GPC6: variants seen among roughly 807,000 people sequenced by gnomAD.
GPC6 encodes glypican-6.
In GPC6, 14 loss-of-function variants were observed where a neutral mutation model predicts 55.2. The observed-to-expected ratio is 0.25, with a 90% CI of 0.17 to 0.40. The LOEUF (loss-of-function observed/expected upper bound fraction) is 0.40. Ranked by LOEUF, GPC6 falls within the 10% of genes least tolerant of loss-of-function variation. The pLI is 1.00. For missense variants in GPC6, 641 were observed against 708.5 expected (o/e 0.90, Z 1.08); for synonymous variants, 278 against 259.6 (o/e 1.07, Z -0.68).
intron 3 of GPC6, among the ~76,000 whole-genome samples, chr13:93,992,216 TTA>T (rs1881344336): frequency 6.6e-6 from 1 of 151,646 alleles, no homozygotes; most frequent in African/African-American, 2.4e-5. Context: ...GGTGTGTGTG[TTA>T]TATATGTTTG....
intron 4 of GPC6, among the ~76,000 whole-genome samples, chr13:94,182,532 G>A (rs1889033436): frequency 6.6e-6 from 1 of 152,120 alleles, no homozygotes; most frequent in Admixed American, 6.5e-5. Context: ...AGGGAAGTTG[G>A]GTGAACATTA....
intron 1 of GPC6, among the ~76,000 whole-genome samples, chr13:93,401,543 A>C (rs1876077976): frequency 6.6e-6 from 1 of 151,188 alleles, no homozygotes; most frequent in South Asian, 2.1e-4. Flanking sequence ...AAAAAGCGAT[A>C]TTGTTTCAGA....
chr13:93,276,232 G>A lies in GPC6; in HGVS notation c.160+48616G>A, dbSNP rs78359805. Among the ~76,000 whole-genome samples, 690 of 152,192 alleles carry A rather than the reference G, an allele frequency of 4.5e-3. 7 individuals are homozygous for A. The highest frequency in any genetic ancestry group is 0.016 in the African/African-American group (655 of 41,526). ...GGTAAAACCATTTACCCTTAGTCAA[G>A]CAAGGGTCAAGGAAAGGCATGGAGC... On this transcript the variant is annotated intron_variant, in intron 1 of 8. Transcript: ENST00000377047.
chr13:93,874,711 C>T (rs956338871), intron 3 of GPC6, among the ~76,000 whole-genome samples: 1 of 151,356 alleles, frequency 6.6e-6, no homozygotes, highest in Non-Finnish European at 1.5e-5. Flanking sequence ...TAAACTTGCT[C>T]CTGACACAAG....
At chr13:93,914,919 T>C (rs1176455982) in intron 3 of GPC6, among the ~76,000 whole-genome samples, 4 of 152,204 alleles carry the variant, frequency 2.6e-5, no homozygotes, top group Non-Finnish European at 5.9e-5. Flanking sequence ...AGACGCTTTT[T>C]CACCACAAAG....
At chr13:93,456,160 A>T (rs1039109400) in intron 1 of GPC6, among the ~76,000 whole-genome samples, 2 of 151,790 alleles carry the variant, frequency 1.3e-5, no homozygotes, top group Non-Finnish European at 2.9e-5. Flanking sequence ...TAAAAACTTT[A>T]TGAACCCTTA....
chr13:94,097,816 G>A (rs759323329), intron 4 of GPC6, among the ~76,000 whole-genome samples: 1 of 152,084 alleles, frequency 6.6e-6, no homozygotes, highest in Non-Finnish European at 1.5e-5. Flanking sequence ...AAATTCTCTT[G>A]CTCTGTTCTT....
rs191077851 is a variant in GPC6, at chr13:94,150,020, G to A, written c.877+122126G>A. 3.9e-3 allele frequency among the ~76,000 whole-genome samples: 595 copies of A among 152,112 alleles called. 2 individuals are homozygous for A. The highest frequency in any genetic ancestry group is 7.0e-3 in the Non-Finnish European group (475 of 67,976). On this transcript the variant is annotated intron_variant, in intron 4 of 8. Transcript: ENST00000377047. ...TAGGCCAGGATAACAGGAAGCACAT[G>A]GAGTTTGGAGTCCCAAACACTCTGT...
intron 1 of GPC6, among the ~76,000 whole-genome samples, chr13:93,365,714 G>C (rs560511048): frequency 1.3e-5 from 2 of 152,076 alleles, no homozygotes; most frequent in South Asian, 4.2e-4. Flanking sequence ...CTGGCAGTGG[G>C]AAAGTGATCT....
rs536687555 is a variant in GPC6 at position 93,918,915 on chromosome 13, T to C, written c.711+88370T>C. Among the ~76,000 whole-genome samples, 3 of 152,346 alleles carry C rather than the reference T, an allele frequency of 2.0e-5. No homozygotes were observed. The South Asian group carries it at 6.2e-4, about 32-fold the overall frequency. On this transcript the variant is annotated intron_variant, in intron 3 of 8. Coordinates refer to ENST00000377047, the MANE Select transcript of GPC6 (RefSeq NM_005708.5). ...TGAAGTATACACACTCAGTGGTCTGTGATATGGTTTGGATATATATCCCAT... is the reference window on the plus strand; with the variant it reads ...TGAAGTATACACACTCAGTGGTCTGCGATATGGTTTGGATATATATCCCAT...
chr13:94,234,022 T>C (rs1352400205), intron 4 of GPC6, among the ~76,000 whole-genome samples: 1 of 152,012 alleles, frequency 6.6e-6, no homozygotes, highest in Admixed American at 6.6e-5. Context: ...ATTTGAAGTA[T>C]GAGAAATAGT....
At chr13:93,871,815 G>A (rs1889141607) in intron 3 of GPC6, among the ~76,000 whole-genome samples, 1 of 151,894 alleles carries the variant, frequency 6.6e-6, no homozygotes, top group Non-Finnish European at 1.5e-5. Context: ...GTGAAGGAAA[G>A]CAAAAGCACA....
At chr13:93,486,467 T>G (rs1408001177) in intron 1 of GPC6, among the ~76,000 whole-genome samples, 1 of 152,158 alleles carries the variant, frequency 6.6e-6, no homozygotes, top group Non-Finnish European at 1.5e-5. Context: ...ACCAATGAAG[T>G]CACAAAAACT....
intron 2 of GPC6, among the ~76,000 whole-genome samples, chr13:93,709,274 C>T (rs1399108094): frequency 6.6e-6 from 1 of 151,722 alleles, no homozygotes; most frequent in East Asian, 2.0e-4. Flanking sequence ...TTCACATCTT[C>T]ACTTCTTAAC....
chr13:94,149,153 A>G (rs1887654715), intron 4 of GPC6, among the ~76,000 whole-genome samples: 1 of 152,168 alleles, frequency 6.6e-6, no homozygotes, highest in East Asian at 1.9e-4. Flanking sequence ...CATTTTAGTC[A>G]TCTTTGTGTG....
intron 1 of GPC6, among the ~76,000 whole-genome samples, chr13:93,244,287 G>A (rs1320636318): frequency 6.6e-6 from 1 of 152,168 alleles, no homozygotes; most frequent in East Asian, 1.9e-4. Context: ...GGCCGGCTGG[G>A]TCCCACAGTG....
intron 1 of GPC6, among the ~76,000 whole-genome samples, chr13:93,413,396 A>G (rs953548060): frequency 3.3e-5 from 5 of 152,124 alleles, no homozygotes; most frequent in South Asian, 2.1e-4. Flanking sequence ...AACCAATTTC[A>G]CTAGCATTTT....
At chr13:93,321,849 G>A (rs531782256) in intron 1 of GPC6, among the ~76,000 whole-genome samples, 3 of 152,240 alleles carry the variant, frequency 2.0e-5, no homozygotes, top group African/African-American at 7.2e-5. Context: ...AACATCTAGT[G>A]TGAGACCAGC....
intron 4 of GPC6, among the ~76,000 whole-genome samples, chr13:94,193,857 G>A (rs1008487106): frequency 1.3e-5 from 2 of 152,264 alleles, no homozygotes; most frequent in South Asian, 2.1e-4. Flanking sequence ...TAATAGTGAG[G>A]TTGAGCTTTT....
Sources: gnomAD v4.1 joint callset for allele counts (sites outside exome capture counted in the v4.1 genomes callset) on GRCh38, gnomAD v4.1.1 for gene constraint, MANE v1.5 for transcripts, NCBI Gene and HGNC (gene_info 2026-07-23, HGNC 2026-07-21) for gene names.